The following ABI3BP variants were observed in gnomAD, a reference collection of about 807,000 sequenced individuals.
The protein encoded by ABI3BP is ABI family member 3 binding protein.
Under a neutral mutation model 268.6 loss-of-function variants are expected in ABI3BP, and 216 were observed. The observed-to-expected ratio is 0.80, with a 90% CI of 0.72 to 0.90. ABI3BP has a LOEUF of 0.90. Among genes scored for constraint, ABI3BP ranks in the 40% least tolerant of loss-of-function variants. ABI3BP has a pLI of 0.00. For missense variants in ABI3BP, 2,090 were observed against 2,182.4 expected, an observed-to-expected ratio of 0.96 and a Z score of 0.84; for synonymous variants, 730 against 730.0, an observed-to-expected ratio of 1.00 and a Z score of 0.00.
chr3:100,796,536 G>T, intron 51 of ABI3BP, 68 bp from the exon 52 acceptor site: 2 of 1,211,078 alleles, frequency 1.7e-6, no homozygotes, highest in Non-Finnish European at 2.3e-6. Flanking sequence ...TTAACCCACA[G>T]ATATAAAAAT....
intron 1 of ABI3BP, among the ~76,000 whole-genome samples, chr3:100,936,339 G>A: frequency 6.6e-6 from 1 of 152,288 alleles, no homozygotes; most frequent in Admixed American, 6.5e-5. Context: ...CTTGATCGTG[G>A]TGGATAAGCT....
intron 1 of ABI3BP, among the ~76,000 whole-genome samples, chr3:100,928,692 A>T (rs1426172811): frequency 3.9e-5 from 6 of 152,056 alleles, no homozygotes. Context: ...CTTATCCAAA[A>T]TCTGAAAAGG....
chr3:100,806,370 A>G (rs2097706864), intron 50 of ABI3BP, among the ~76,000 whole-genome samples: 1 of 152,074 alleles, frequency 6.6e-6, no homozygotes, highest in Admixed American at 6.6e-5. Flanking sequence ...AATTTGCAGG[A>G]ACTAGTTAAG....
chr3:100,902,194 A>G (rs893965352), intron 3 of ABI3BP, among the ~76,000 whole-genome samples: 24 of 152,226 alleles, frequency 1.6e-4, no homozygotes. Flanking sequence ...AAGGTGAGAC[A>G]TAAAATTTTG....
intron 1 of ABI3BP, among the ~76,000 whole-genome samples, chr3:100,979,729 G>A (rs1051799283): frequency 1.3e-5 from 2 of 152,188 alleles, no homozygotes; most frequent in African/African-American, 4.8e-5. Context: ...CGGCATAAGT[G>A]AAAATAGATG....
In ABI3BP at chr3:100,758,561, C is replaced by T. The variant is rs9828249; in HGVS notation, c.4851-3870G>A. Among the ~76,000 whole-genome samples the T allele has an allele frequency of 3.4e-3, 521 of 152,086 alleles. 5 individuals carry two copies. The highest frequency in any genetic ancestry group is 5.0e-3 in the Non-Finnish European group (342 of 68,016). ...AAGTTTATAAGAAGGGTATAGCCCA[C>T]GGGTTATTGGAAAGATCGAAAATTT... On this transcript the variant is annotated intron_variant, in intron 63 of 67. Coordinates refer to ENST00000471714, the MANE Select transcript of ABI3BP (RefSeq NM_001375547.2).
chr3:100,924,110 A>C (rs1020390943), intron 2 of ABI3BP, among the ~76,000 whole-genome samples: 7 of 152,178 alleles, frequency 4.6e-5, no homozygotes, highest in Non-Finnish European at 1.0e-4. Context: ...CAGAAAATAC[A>C]GAATGGAAGC....
rs1393850184 is a variant in ABI3BP, at chr3:100,761,125, T to C, written c.4850+4716A>G. Among the ~76,000 whole-genome samples, 5 of 152,128 alleles carry C rather than the reference T, an allele frequency of 3.3e-5. No individual in the cohort carries two copies. In the South Asian group the frequency reaches 6.2e-4, roughly 19 times the overall value. ...CTCCCACTTATAAGAGAACATACAG[T>C]ACTTGGTTTTCTGTTAGAAGAGGAC... On this transcript the variant is annotated intron_variant, in intron 63 of 67. Coordinates refer to ENST00000471714, the MANE Select transcript of ABI3BP (RefSeq NM_001375547.2).
rs375306371 is a variant in ABI3BP, at chr3:100,804,758, T to G, written c.3757+34A>C. The G allele has an allele frequency of 3.8e-6, 6 of 1,576,328 alleles. No individual in the cohort carries two copies. In the African/African-American group the frequency reaches 4.1e-5, roughly 11 times the overall value. On this transcript the variant is annotated intron_variant, in intron 51 of 67. Coordinates refer to ENST00000471714, the MANE Select transcript of ABI3BP (RefSeq NM_001375547.2). The stretch of plus-strand genomic sequence containing the variant: ...ACTGAAGCAGAGTGGGACAGTAGAA[T>G]GCATTTGGCTTAAACATGAAATAAA...
At chr3:100,986,712 T>C (rs2595911) in intron 1 of ABI3BP, among the ~76,000 whole-genome samples, 152,218 of 152,252 alleles carry the variant, frequency 1, 76,092 homozygotes, top group Non-Finnish European at 1. Flanking sequence ...AGTAATCTGC[T>C]CACCTCGGCC....
At chr3:100,876,976 G>A (rs189599870) in intron 6 of ABI3BP, among the ~76,000 whole-genome samples, 72 of 152,176 alleles carry the variant, frequency 4.7e-4, no homozygotes, top group Admixed American at 3.1e-3. Flanking sequence ...TGACAACAGC[G>A]AGACTCCATC....
intron 14 of ABI3BP, among the ~76,000 whole-genome samples, chr3:100,857,992 C>T (rs1198214036): frequency 2.0e-5 from 3 of 152,236 alleles, no homozygotes; most frequent in African/African-American, 7.2e-5. Context: ...TTTTCTAGCG[C>T]TTGCTCCTTA....
At chr3:100,917,365 G>C (rs906364066) in intron 2 of ABI3BP, among the ~76,000 whole-genome samples, 10 of 152,094 alleles carry the variant, frequency 6.6e-5, no homozygotes, top group Admixed American at 2.6e-4. Context: ...AATTTCCATG[G>C]AATGTAAAAT....
At chr3:100,828,534 G>C (rs73135573) in intron 33 of ABI3BP, 82 bp from the exon 34 acceptor site, 239,738 of 1,283,300 alleles carry the variant, frequency 0.19, 25,017 homozygotes, top group South Asian at 0.27. Flanking sequence ...AGAATTTTAC[G>C]AGGTCATGAC....
At chr3:100,911,692 C>T in intron 2 of ABI3BP, 1 of 763,812 alleles carries the variant, frequency 1.3e-6, no homozygotes, top group South Asian at 1.4e-5. Context: ...AGATTGGCAA[C>T]CACTAAAGGT....
Position 100,840,128 on chromosome 3 carries a change from C to CGGGGGG in ABI3BP, c.1840_1841insCCCCCC (p.Pro613_Arg614insProPro). On this transcript the variant is annotated inframe_insertion, in exon 23 of 68. Coordinates refer to ENST00000471714, the MANE Select transcript of ABI3BP (RefSeq NM_001375547.2). ...TGTGGTTTTAGGGCGGGGACGGGGG[C>CGGGGGG]GGGGGCGACGACCTGGTCTTTTGGT... is the stretch of plus-strand genomic sequence containing the variant. The CGGGGGG allele has an allele frequency of 8.7e-7, 1 of 1,150,378 alleles. No homozygotes were observed. The highest frequency in any genetic ancestry group is 1.8e-5 in the South Asian group (1 of 56,322). 71.3% of individuals were successfully genotyped at this position (1,150,378 alleles called of 1,614,324 possible).
rs781381597 is a variant in ABI3BP at position 100,794,997 on chromosome 3, A to G, written c.3872T>C (p.Leu1291Pro). 1 of 1,501,908 alleles carries G rather than the reference A, an allele frequency of 6.7e-7. No individual in the cohort carries two copies. Among genetic ancestry groups the G allele is most frequent in the Admixed American group, 2.6e-5 (1 of 38,604 alleles). 93.0% of individuals were successfully genotyped at this position (1,501,908 alleles called of 1,614,324 possible). A position where few individuals can be genotyped will look rare whatever the true frequency, so the allele number is the denominator to read the frequency against. ...FEPPKTTIAP[L>P]ETRGIPFIPM... is the part of the protein sequence containing the mutation. ...TATAAAAGGGATGCCTCGTGTCTCT[A>G]GAGGAGCTGCAAAAAGAAAAGGACC... The change falls in exon 54 of 68, where the codon CTA becomes CCA. Residue 1291 changes from leucine (L) to proline (P), a missense_variant. Transcript: ENST00000471714.
Position 100,750,562 on chromosome 3 carries a change from C to T in ABI3BP, c.5294G>A (p.Gly1765Asp). ...RQEPVQFGEI[G>D]GHTQINYVQW... is the part of the protein sequence containing the mutation. ...AACATAATTGATTTGGGTGTGACCACCTATTTCTCCAAATTGGACAGGTTC... is the reference window on the plus strand; with the variant it reads ...AACATAATTGATTTGGGTGTGACCATCTATTTCTCCAAATTGGACAGGTTC... The change falls in exon 68 of 68, where the codon GGT becomes GAT. Residue 1765 changes from glycine (G) to aspartate (D), a missense_variant. Gly to Asp is a moderately conservative substitution (Grantham distance 94). Coordinates refer to ENST00000471714, the MANE Select transcript of ABI3BP (RefSeq NM_001375547.2). The T allele has an allele frequency of 1.2e-6, 2 of 1,613,184 alleles. No homozygotes were observed. Among genetic ancestry groups the T allele is most frequent in the Non-Finnish European group, 1.7e-6 (2 of 1,179,442 alleles).
chr3:100,888,636 A>T (rs760795937), intron 4 of ABI3BP, among the ~76,000 whole-genome samples: 4 of 152,098 alleles, frequency 2.6e-5, no homozygotes, highest in Admixed American at 6.6e-5. Context: ...AAAAATCCAG[A>T]GTGTAAATCT....
Sources: allele counts gnomAD v4.1 joint callset (sites outside exome capture counted in the v4.1 genomes callset), GRCh38; gene constraint gnomAD v4.1.1; transcripts MANE v1.5; gene names NCBI Gene and HGNC (gene_info 2026-07-23, HGNC 2026-07-21).